MEI4: variants seen among roughly 807,000 people sequenced by gnomAD.
MEI4 encodes the protein meiosis-specific protein MEI4.
In MEI4, 27 loss-of-function variants were observed where a neutral mutation model predicts 31.4. The observed-to-expected ratio is 0.86, with a 90% confidence interval of 0.63 to 1.19. MEI4 has a LOEUF of 1.19. Among genes scored for constraint, MEI4 ranks in the 50% most tolerant of loss-of-function variants. The probability of loss-of-function intolerance (pLI) is 0.00; values close to 1 mark genes in which losing one functional copy is unlikely to be tolerated. For missense variants in MEI4, 329 were observed against 398.9 expected, an observed-to-expected ratio of 0.82 and a Z score of 1.49; for synonymous variants, 122 against 145.4, an observed-to-expected ratio of 0.84 and a Z score of 1.16.
chr6:77,876,904 G>A (rs1468637151), intron 4 of MEI4, among the ~76,000 whole-genome samples: 1 of 152,076 alleles, frequency 6.6e-6, no homozygotes, highest in Admixed American at 6.6e-5. Flanking sequence ...TGGAAGATAT[G>A]AAGGAAAAGG....
At chr6:77,865,403 G>A (rs1009429014) in intron 4 of MEI4, among the ~76,000 whole-genome samples, 3 of 152,044 alleles carry the variant, frequency 2.0e-5, no homozygotes, top group East Asian at 3.9e-4. Flanking sequence ...TGATATCACC[G>A]GCAATCCCAC....
intron 4 of MEI4, among the ~76,000 whole-genome samples, chr6:77,877,339 A>G (rs1771366534): frequency 6.6e-6 from 1 of 151,900 alleles, no homozygotes; most frequent in South Asian, 2.1e-4. Context: ...ATCTCTTATA[A>G]CCCTTCAAAG....
chr6:77,862,808 A>C (rs1770900971), intron 4 of MEI4, among the ~76,000 whole-genome samples: 1 of 152,188 alleles, frequency 6.6e-6, no homozygotes, highest in East Asian at 1.9e-4. Context: ...CAAGTAGCCT[A>C]ACTGGGAGGC....
At chr6:77,918,559 GCT>G (rs1372692843) in intron 4 of MEI4, among the ~76,000 whole-genome samples, 1 of 147,986 alleles carries the variant, frequency 6.8e-6, no homozygotes, top group African/African-American at 2.5e-5. Flanking sequence ...TCATGATTTG[GCT>G]CTCTGTTTGT....
At chr6:77,733,729 A>G (rs1305354479) in intron 2 of MEI4, among the ~76,000 whole-genome samples, 3 of 151,828 alleles carry the variant, frequency 2.0e-5, no homozygotes, top group Admixed American at 6.6e-5. Flanking sequence ...TAGGGTGTCA[A>G]TTCTGGATCT....
In MEI4 at chr6:77,738,466, C is replaced by A. The variant is rs140226974; in HGVS notation, c.233-22664C>A. On this transcript the variant is annotated intron_variant, in intron 2 of 4. Coordinates refer to ENST00000684080, the MANE Select transcript of MEI4 (RefSeq NM_001322247.2). ...CTAGCTAGTGCTGTATCTATTTTAT[C>A]AGTATTTTCTTTATCCAGTCTATCA... Among the ~76,000 whole-genome samples the A allele has an allele frequency of 1.6e-3, 238 of 152,164 alleles. 2 individuals carry two copies. The highest frequency in any genetic ancestry group is 5.4e-3 in the African/African-American group (224 of 41,512).
intron 4 of MEI4, among the ~76,000 whole-genome samples, chr6:77,910,444 C>T (rs910706315): frequency 6.6e-6 from 1 of 152,096 alleles, no homozygotes; most frequent in African/African-American, 2.4e-5. Flanking sequence ...TGAGTGAACT[C>T]TCATTCACAA....
At chr6:77,705,222 T>A (rs1226191038) in intron 2 of MEI4, among the ~76,000 whole-genome samples, 1 of 152,160 alleles carries the variant, frequency 6.6e-6, no homozygotes, top group Non-Finnish European at 1.5e-5. Context: ...AGTACCCATA[T>A]GTGAGGAGAC....
intron 2 of MEI4, among the ~76,000 whole-genome samples, chr6:77,705,215 A>G (rs963665985): frequency 6.6e-6 from 1 of 151,734 alleles, no homozygotes; most frequent in African/African-American, 2.4e-5. Flanking sequence ...CTTAATAAGT[A>G]CCCATATGTG....
intron 1 of MEI4, among the ~76,000 whole-genome samples, chr6:77,662,840 T>A (rs1371301957): frequency 2.0e-5 from 3 of 150,806 alleles, no homozygotes; most frequent in Admixed American, 2.0e-4. Flanking sequence ...CGTGTGTTTT[T>A]ATGAGAATTA....
chr6:77,877,858 A>C (rs2127727623), intron 4 of MEI4, among the ~76,000 whole-genome samples: 1 of 152,014 alleles, frequency 6.6e-6, no homozygotes, highest in African/African-American at 2.4e-5. Context: ...TTTAAGTGAG[A>C]ACAAAAAAAA....
At chr6:77,657,155 A>G (rs6931757) in intron 1 of MEI4, among the ~76,000 whole-genome samples, 8,410 of 152,294 alleles carry the variant, frequency 0.055, 770 homozygotes, top group African/African-American at 0.19. Context: ...TGAGAAAGTT[A>G]CTGATTGAAA....
intron 2 of MEI4, among the ~76,000 whole-genome samples, chr6:77,691,154 A>G (rs906561035): frequency 2.0e-5 from 3 of 152,026 alleles, no homozygotes; most frequent in Non-Finnish European, 2.9e-5. Context: ...GTCTTTTAAA[A>G]TCTCATTGTT....
intron 4 of MEI4, among the ~76,000 whole-genome samples, chr6:77,858,073 T>A (rs1276774585): frequency 1.3e-5 from 2 of 152,200 alleles, no homozygotes; most frequent in Non-Finnish European, 2.9e-5. Context: ...GTTTTATCTG[T>A]CATATCTACA....
intron 4 of MEI4, among the ~76,000 whole-genome samples, chr6:77,868,208 A>G (rs1246610441): frequency 7.0e-6 from 1 of 142,376 alleles, no homozygotes; most frequent in African/African-American, 2.8e-5. Context: ...CCCTTAAAGC[A>G]TAATAATAAA....
chr6:77,772,269 A>G (rs1406372644), intron 3 of MEI4, among the ~76,000 whole-genome samples: 1 of 147,932 alleles, frequency 6.8e-6, no homozygotes, highest in Non-Finnish European at 1.5e-5. Context: ...AAAAAAAAAA[A>G]AGAAAACTAC....
intron 3 of MEI4, among the ~76,000 whole-genome samples, chr6:77,762,973 C>CT (rs1214607209): frequency 2.0e-5 from 3 of 152,064 alleles, no homozygotes; most frequent in African/African-American, 7.2e-5. Context: ...TTAAACACTA[C>CT]TTTAAGCAGT....
At chr6:77,815,059 G>A (rs146259947) in intron 3 of MEI4, among the ~76,000 whole-genome samples, 1,539 of 152,120 alleles carry the variant, frequency 0.01, 49 homozygotes, top group Admixed American at 0.037. Context: ...TACTGTGTAG[G>A]ATTGAATGGC....
intron 2 of MEI4, among the ~76,000 whole-genome samples, chr6:77,732,919 C>G (rs1323730523): frequency 1.3e-5 from 2 of 151,010 alleles, no homozygotes; most frequent in Non-Finnish European, 2.9e-5. Context: ...TGTTTATATG[C>G]TGGTTACATT....
Sources: gnomAD v4.1 joint callset for allele counts (sites outside exome capture counted in the v4.1 genomes callset) on GRCh38, gnomAD v4.1.1 for gene constraint, MANE v1.5 for transcripts, NCBI Gene and HGNC (gene_info 2026-07-23, HGNC 2026-07-21) for gene names.